The following DNAI4 variants were observed in gnomAD, a reference collection of about 807,000 sequenced individuals.
DNAI4 encodes dynein axonemal intermediate chain 4, also known as WD repeat domain 78.
Under a neutral mutation model 105.8 loss-of-function variants are expected in DNAI4, and 85 were observed. The observed-to-expected ratio is 0.80, with a 90% CI of 0.67 to 0.96. The LOEUF (loss-of-function observed/expected upper bound fraction) is 0.96. Among genes scored for constraint, DNAI4 ranks in the 40% least tolerant of loss-of-function variants. The pLI is 0.00. For missense variants in DNAI4, 1,014 were observed against 1,005.6 expected (o/e 1.01, Z -0.11); for synonymous variants, 352 against 331.5 (o/e 1.06, Z -0.67).
At chr1:66,903,926 A>G (rs1649039087) in intron 2 of DNAI4, among the ~76,000 whole-genome samples, 3 of 151,964 alleles carry the variant, frequency 2.0e-5, no homozygotes, top group Non-Finnish European at 4.4e-5. Context: ...TCAGTCTTTC[A>G]CCATTGGAGA....
intron 16 of DNAI4, among the ~76,000 whole-genome samples, chr1:66,821,715 T>A (rs1645630729): frequency 6.6e-6 from 1 of 152,160 alleles, no homozygotes; most frequent in Admixed American, 6.5e-5. Flanking sequence ...TTTTTTCATA[T>A]TGATTTGTGC....
At chr1:66,916,379 T>C (rs1650075875) in intron 1 of DNAI4, among the ~76,000 whole-genome samples, 1 of 152,208 alleles carries the variant, frequency 6.6e-6, no homozygotes, top group Non-Finnish European at 1.5e-5. Flanking sequence ...TGACATTAAG[T>C]TACAGGGTTT....
At chr1:66,849,230 A>G (rs1298413193) in intron 7 of DNAI4, among the ~76,000 whole-genome samples, 1 of 152,196 alleles carries the variant, frequency 6.6e-6, no homozygotes, top group African/African-American at 2.4e-5. Context: ...TGTAGGCCAC[A>G]TGTGTAGCAC....
chr1:66,875,828 AATC>A (rs541411829), intron 4 of DNAI4, among the ~76,000 whole-genome samples: 41 of 152,270 alleles, frequency 2.7e-4, no homozygotes, highest in Admixed American at 2.0e-3. Flanking sequence ...TCCAAAAACC[AATC>A]ATCAACATTT....
In DNAI4 at chr1:66,812,940, C is replaced by A. The variant is rs1645447136; in HGVS notation, c.*1190G>T. On this transcript the variant is annotated 3_prime_UTR_variant, in exon 17 of 17. Transcript: ENST00000371026. Reference sequence around the variant, plus strand: ...CTTACACAAGGTGTTATAGAAAATCCAATCTTTCAGAAAGACAAAAACAAA... The same window carrying A: ...CTTACACAAGGTGTTATAGAAAATCAAATCTTTCAGAAAGACAAAAACAAA... 6.6e-6 allele frequency: 1 copy of A among 152,150 alleles called. No homozygotes were observed. The highest frequency in any genetic ancestry group is 1.5e-5 in the Non-Finnish European group (1 of 68,012). The allele number at this position is 152,150 out of a possible 1,614,324, so 9.4% of individuals were successfully genotyped here. A position where few individuals can be genotyped will look rare whatever the true frequency, so the allele number is the denominator to read the frequency against.
At position 66,817,231 on chromosome 1, in the gene DNAI4, G is replaced by A. The variant is rs557993051; in HGVS notation, c.2497-3051C>T. ...TACTATAAACATTGTTTTCTCATTA[G>A]CATGTTTTTCACACCATTACCCATG... On this transcript the variant is annotated intron_variant, in intron 16 of 16. Coordinates refer to ENST00000371026, the MANE Select transcript of DNAI4 (RefSeq NM_024763.5). 3.9e-5 allele frequency among the ~76,000 whole-genome samples: 6 copies of A among 152,208 alleles called. No homozygotes were observed. The South Asian group carries it at 1.2e-3, about 32-fold the overall frequency.
At chr1:66,891,292 T>G in intron 3 of DNAI4, 26 bp from the exon 4 acceptor site, 1 of 1,527,102 alleles carries the variant, frequency 6.5e-7, no homozygotes, top group Non-Finnish European at 9.1e-7. Context: ...ACAAAATTAC[T>G]CATTTATTTA....
At chr1:66,895,361 G>T (rs1475325820) in intron 2 of DNAI4, among the ~76,000 whole-genome samples, 1 of 152,132 alleles carries the variant, frequency 6.6e-6, no homozygotes, top group Non-Finnish European at 1.5e-5. Flanking sequence ...CACGCCACAT[G>T]GGAGGCTAAG....
chr1:66,904,211 T>C (rs1649066447), intron 2 of DNAI4, among the ~76,000 whole-genome samples: 1 of 152,172 alleles, frequency 6.6e-6, no homozygotes, highest in Admixed American at 6.5e-5. Flanking sequence ...TATAAACTTA[T>C]GCTTTCTTTT....
At chr1:66,822,581 A>G (rs1056725503) in intron 15 of DNAI4, 64 bp from the exon 16 acceptor site, 95 of 1,327,646 alleles carry the variant, frequency 7.2e-5, no homozygotes, top group Non-Finnish European at 8.4e-5. Context: ...TAAATAGACA[A>G]AGAAAAATTT....
At chr1:66,881,925 C>G (rs934918335) in intron 4 of DNAI4, among the ~76,000 whole-genome samples, 2 of 152,124 alleles carry the variant, frequency 1.3e-5, no homozygotes, top group Non-Finnish European at 2.9e-5. Flanking sequence ...CTTTCCTGTG[C>G]TGTTCTTGTA....
At chr1:66,902,676 G>T (rs1311538412) in intron 2 of DNAI4, among the ~76,000 whole-genome samples, 2 of 152,144 alleles carry the variant, frequency 1.3e-5, no homozygotes, top group African/African-American at 4.8e-5. Flanking sequence ...TACAGAGTTA[G>T]CTCTTATTTG....
rs563908752 is a variant in DNAI4, at chr1:66,821,896, C to G, written c.2496+465G>C. Among the ~76,000 whole-genome samples, 7 of 152,124 alleles carry G rather than the reference C, an allele frequency of 4.6e-5. No individual in the cohort carries two copies. The South Asian group carries it at 1.5e-3, about 32-fold the overall frequency. On this transcript the variant is annotated intron_variant, in intron 16 of 16. Coordinates refer to ENST00000371026, the MANE Select transcript of DNAI4 (RefSeq NM_024763.5). ...CACTGAGTTGTCTGTCAAAGTTCGA[C>G]ACAAAACTTGGGTATTTGAAGAACG...
At chr1:66,886,643 T>C (rs1413779858) in intron 4 of DNAI4, among the ~76,000 whole-genome samples, 1 of 152,206 alleles carries the variant, frequency 6.6e-6, no homozygotes, top group Admixed American at 6.5e-5. Context: ...ACTCTGGAGG[T>C]TCACTGGTAG....
chr1:66,895,579 A>T (rs1263448213), intron 2 of DNAI4, among the ~76,000 whole-genome samples: 1 of 152,186 alleles, frequency 6.6e-6, no homozygotes, highest in Non-Finnish European at 1.5e-5. Context: ...CAATTCTTAT[A>T]CATTCCATTT....
intron 1 of DNAI4, among the ~76,000 whole-genome samples, chr1:66,905,921 T>TTTG (rs1407102871): frequency 2.2e-5 from 3 of 135,814 alleles, no homozygotes; most frequent in Admixed American, 1.5e-4. Context: ...TATACTACTT[T>TTTG]TTTTTTTTTT....
At chr1:66,869,458 T>C (rs1303420083) in intron 6 of DNAI4, among the ~76,000 whole-genome samples, 2 of 152,114 alleles carry the variant, frequency 1.3e-5, no homozygotes, top group African/African-American at 4.8e-5. Flanking sequence ...TTTCCTAATA[T>C]GAATTGGAAA....
rs145013650 is a variant in DNAI4 at position 66,827,054 on chromosome 1, TA to T, written c.2113-9del. On this transcript the variant is annotated splice_polypyrimidine_tract_variant and intron_variant, in intron 14 of 16. Coordinates refer to ENST00000371026, the MANE Select transcript of DNAI4 (RefSeq NM_024763.5). ...CACTTTATACACTGGACCCTAGAAA[TA>T]AAAAAAAAATACATAGGTAAATAAT... The T allele has an allele frequency of 6.8e-3, 9,425 of 1,391,522 alleles. No homozygotes were observed. The highest frequency in any genetic ancestry group is 0.01 in the South Asian group (696 of 69,156). The allele number at this position is 1,391,522 out of a possible 1,614,324, so 86.2% of individuals were successfully genotyped here.
chr1:66,883,152 G>T (rs1277799201), intron 4 of DNAI4, among the ~76,000 whole-genome samples: 1 of 146,802 alleles, frequency 6.8e-6, no homozygotes, highest in Non-Finnish European at 1.5e-5. Context: ...CAGGATACAT[G>T]CCTATTGGTG....
Sources: allele counts gnomAD v4.1 joint callset (sites outside exome capture counted in the v4.1 genomes callset), GRCh38; gene constraint gnomAD v4.1.1; transcripts MANE v1.5; gene names NCBI Gene and HGNC (gene_info 2026-07-23, HGNC 2026-07-21).